CYFIP2: variants seen among roughly 807,000 people sequenced by gnomAD.
The protein encoded by CYFIP2 is cytoplasmic FMR1 interacting protein 2.
In CYFIP2, 29 loss-of-function variants were observed where a neutral mutation model predicts 158.7. The ratio of observed to expected loss-of-function variants is 0.18; its 90% confidence interval spans 0.14 to 0.25. The LOEUF is 0.25. CYFIP2 is among the 10% of genes least tolerant of loss of function. CYFIP2 has a pLI of 1.00. For missense variants in CYFIP2, 852 were observed against 1,639.5 expected, an observed-to-expected ratio of 0.52 and a Z score of 8.29; for synonymous variants, 585 against 617.6, an observed-to-expected ratio of 0.95 and a Z score of 0.78.
intron 1 of CYFIP2, among the ~76,000 whole-genome samples, chr5:157,267,741 C>T (rs1305123980): frequency 6.6e-6 from 1 of 152,210 alleles, no homozygotes; most frequent in East Asian, 1.9e-4. Context: ...GGAAACAAAG[C>T]TTTAATGGGA....
chr5:157,374,432 C>G (rs1333488794), intron 26 of CYFIP2, among the ~76,000 whole-genome samples: 1 of 152,168 alleles, frequency 6.6e-6, no homozygotes, highest in Non-Finnish European at 1.5e-5. Flanking sequence ...ACTACACTTG[C>G]TACATAAACT....
Position 157,319,531 on chromosome 5 carries a change from G to A in CYFIP2, c.1357-231G>A, listed in dbSNP as rs556065066. Reference sequence around the variant, plus strand: ...CATTGCGAAGAATGCTGTTAGTTGAGCTGACATTTGTGTTTTGTAGCAAGA... The same window carrying A: ...CATTGCGAAGAATGCTGTTAGTTGAACTGACATTTGTGTTTTGTAGCAAGA... On this transcript the variant is annotated intron_variant, in intron 13 of 30. Coordinates refer to ENST00000620254, the MANE Select transcript of CYFIP2 (RefSeq NM_001037333.3). Among the ~76,000 whole-genome samples, 10 of 152,344 alleles carry A rather than the reference G, an allele frequency of 6.6e-5. No individual in the cohort carries two copies. In the South Asian group the frequency reaches 8.3e-4, roughly 13 times the overall value.
chr5:157,292,942 ATT>A (rs1199080150), intron 3 of CYFIP2, among the ~76,000 whole-genome samples: 5 of 152,146 alleles, frequency 3.3e-5, no homozygotes, highest in Non-Finnish European at 7.3e-5. Flanking sequence ...TAAGTGGAGA[ATT>A]TTAGGATAAG....
chr5:157,323,073 A>G (rs1760736045), intron 15 of CYFIP2: 2 of 1,483,068 alleles, frequency 1.3e-6, no homozygotes, highest in African/African-American at 1.4e-5. Flanking sequence ...GGCAGCAGGA[A>G]TGGACTAGCC....
intron 5 of CYFIP2, among the ~76,000 whole-genome samples, chr5:157,299,199 A>G (rs1271690033): frequency 1.5e-5 from 1 of 67,176 alleles, no homozygotes; most frequent in Non-Finnish European, 3.2e-5. Flanking sequence ...TTTAAAATAT[A>G]ATTCAGGCCA....
rs1441411238 is a variant in CYFIP2 at position 157,389,176 on chromosome 5, C to T, written c.3208-13C>T. ...GATGTGGATAGAAGGTGTATGTGCCCTTCTGTTTCCAGCAAATCGCCATTG... is the reference window on the plus strand; with the variant it reads ...GATGTGGATAGAAGGTGTATGTGCCTTTCTGTTTCCAGCAAATCGCCATTG... On this transcript the variant is annotated splice_polypyrimidine_tract_variant and intron_variant, in intron 28 of 30. Coordinates refer to ENST00000620254, the MANE Select transcript of CYFIP2 (RefSeq NM_001037333.3). 12 of 1,598,758 alleles carry T rather than the reference C, an allele frequency of 7.5e-6. No homozygotes were observed. Among genetic ancestry groups the T allele is most frequent in the Non-Finnish European group, 1.0e-5 (12 of 1,170,868 alleles).
chr5:157,289,901 A>T (rs928313089), intron 3 of CYFIP2, among the ~76,000 whole-genome samples: 1 of 152,246 alleles, frequency 6.6e-6, no homozygotes, highest in Non-Finnish European at 1.5e-5. Context: ...TGTGTTAGTC[A>T]TATGTAGAAT....
intron 21 of CYFIP2, among the ~76,000 whole-genome samples, chr5:157,334,444 A>T (rs1462238648): frequency 2.0e-5 from 3 of 152,216 alleles, no homozygotes; most frequent in Admixed American, 1.3e-4. Flanking sequence ...TTAACCAAAA[A>T]ATCTTTGAGA....
intron 19 of CYFIP2, among the ~76,000 whole-genome samples, chr5:157,329,247 T>C (rs1761260947): frequency 6.6e-6 from 1 of 152,246 alleles, no homozygotes; most frequent in Non-Finnish European, 1.5e-5. Flanking sequence ...AAGTAGTCAA[T>C]AGGCATCTGT....
At chr5:157,342,963 C>T (rs1389469337) in intron 23 of CYFIP2, 1 of 1,614,134 alleles carries the variant, frequency 6.2e-7, no homozygotes, top group Non-Finnish European at 8.5e-7. Context: ...TCCAGTTCAG[C>T]TCCATCTCTG....
chr5:157,275,213 G>T (rs1029666643), intron 1 of CYFIP2, among the ~76,000 whole-genome samples: 1 of 151,862 alleles, frequency 6.6e-6, no homozygotes, highest in Admixed American at 6.6e-5. Context: ...TTTTTATTTT[G>T]TTGCTTGTGT....
At chr5:157,355,251 C>G (rs952099080) in intron 23 of CYFIP2, among the ~76,000 whole-genome samples, 5 of 152,166 alleles carry the variant, frequency 3.3e-5, no homozygotes, top group African/African-American at 1.2e-4. Context: ...AATTACCCCC[C>G]ACATATGCAC....
intron 27 of CYFIP2, 85 bp from the exon 28 acceptor site, chr5:157,383,180 T>G (rs976709695): frequency 8.5e-7 from 1 of 1,173,740 alleles, no homozygotes; most frequent in African/African-American, 1.5e-5. Flanking sequence ...TGCAGATACA[T>G]CATCAGGTCC....
chr5:157,334,686 TAA>T (rs532880271), intron 21 of CYFIP2, among the ~76,000 whole-genome samples: 1 of 146,308 alleles, frequency 6.8e-6, no homozygotes, highest in African/African-American at 2.5e-5. Flanking sequence ...GAGTTCCATT[TAA>T]AAAAAAAAAA....
chr5:157,361,461 C>T lies in CYFIP2; in HGVS notation c.2909-7C>T, dbSNP rs1217608162. On this transcript the variant is annotated splice_polypyrimidine_tract_variant and splice_region_variant and intron_variant, in intron 25 of 30. Transcript: ENST00000620254. The surrounding 1 kb of genome is among the most constrained non-coding windows in gnomAD (Gnocchi z 4.4). ...CTTCCCACTGACCACCCCGATTCAC[C>T]TCCCAGGGATCCTGGAGTTCTTCCA... 4 of 1,613,914 alleles carry T rather than the reference C, an allele frequency of 2.5e-6. No homozygotes were observed. Among genetic ancestry groups the T allele is most frequent in the African/African-American group, 1.3e-5 (1 of 75,024 alleles).
intron 1 of CYFIP2, among the ~76,000 whole-genome samples, chr5:157,268,228 C>T (rs1580929937): frequency 1.3e-5 from 2 of 152,312 alleles, no homozygotes; most frequent in Admixed American, 1.3e-4. Flanking sequence ...CAGTTCTGAC[C>T]GGTTCTGTAG....
At position 157,327,979 on chromosome 5, in the gene CYFIP2, C is replaced by T. The variant is rs1761160732; in HGVS notation, c.2086C>T (p.Leu696=). ...CCTGCTTCCTCTCCACCAGGTGAAC[C>T]TGTGTTTTGATCAGTTTGTCTACAA... ...LYDEIEAEVN[L]CFDQFVYKLA... Residue 696 remains leucine (L), a synonymous_variant, in exon 19 of 31, where the codon CTG becomes TTG. Coordinates refer to ENST00000620254, the MANE Select transcript of CYFIP2 (RefSeq NM_001037333.3). 2.5e-6 allele frequency: 4 copies of T among 1,613,822 alleles called. No homozygotes were observed. In the East Asian group the frequency reaches 8.9e-5, roughly 36 times the overall value.
At chr5:157,350,251 T>C (rs1251675059) in intron 23 of CYFIP2, among the ~76,000 whole-genome samples, 3 of 152,226 alleles carry the variant, frequency 2.0e-5, no homozygotes, top group African/African-American at 7.2e-5. Context: ...TTTTTATGGT[T>C]TCAGGTCTTA....
chr5:157,337,584 CA>C (rs899957568), intron 21 of CYFIP2, among the ~76,000 whole-genome samples: 1 of 152,244 alleles, frequency 6.6e-6, no homozygotes, highest in Non-Finnish European at 1.5e-5. Flanking sequence ...TTCAGAGAGG[CA>C]GAGCTCCAAA....
Sources: allele counts gnomAD v4.1 joint callset (sites outside exome capture counted in the v4.1 genomes callset), GRCh38; gene constraint gnomAD v4.1.1; non-coding constraint Gnocchi (gnomAD v3.1); transcripts MANE v1.5; gene names NCBI Gene and HGNC (gene_info 2026-07-23, HGNC 2026-07-21).